The following SMIM8 variants were observed in gnomAD, a reference collection of about 807,000 sequenced individuals.
SMIM8 encodes the protein small integral membrane protein 8, also known as UPF0708 protein C6orf162.
SMIM8 carries 8 observed loss-of-function variants against 8.1 expected under a neutral mutation model. The observed-to-expected ratio is 0.99, with a 90% CI of 0.58 to 1.78. The LOEUF is 1.78. Ranked by LOEUF, SMIM8 falls within the 40% of genes most tolerant of loss-of-function variation. The pLI is 0.00. For synonymous variants in SMIM8, 45 were observed against 39.7 expected, an observed-to-expected ratio of 1.13 and a Z score of -0.50; for missense variants, 126 against 119.8, an observed-to-expected ratio of 1.05 and a Z score of -0.24.
In SMIM8 at chr6:87,341,799, T is replaced by G. The variant is rs1777242305; in HGVS notation, c.*1525T>G. Reference sequence around the variant, plus strand: ...GCCTGTCTGTATAATGTACTTCATATAGTTTAAAATGCACTTCAGTGATAC... The same window carrying G: ...GCCTGTCTGTATAATGTACTTCATAGAGTTTAAAATGCACTTCAGTGATAC... On this transcript the variant is annotated 3_prime_UTR_variant, in exon 4 of 4. Transcript: ENST00000392863. 3 of 152,408 alleles carry G rather than the reference T, an allele frequency of 2.0e-5. No homozygotes were observed. Among genetic ancestry groups the G allele is most frequent in the Admixed American group, 6.5e-5 (1 of 15,284 alleles). The allele number at this position is 152,408 out of a possible 1,614,324, so 9.4% of individuals were successfully genotyped here.
rs143360539 is a variant in SMIM8, at chr6:87,341,688, T to G, written c.*1414T>G. On this transcript the variant is annotated 3_prime_UTR_variant, in exon 4 of 4. Coordinates refer to ENST00000392863, the MANE Select transcript of SMIM8 (RefSeq NM_001042493.3). ...CATGAAAATGTAATTATGTGTGATT[T>G]GTAGGTATTAAAGAACTTAGCTAAT... 6.8e-3 allele frequency: 1,129 copies of G among 165,620 alleles called. 9 individuals are homozygous for G. The highest frequency in any genetic ancestry group is 8.8e-3 in the Non-Finnish European group (679 of 77,232). The allele number at this position is 165,620 out of a possible 1,614,324, so 10.3% of individuals were successfully genotyped here. A position where few individuals can be genotyped will look rare whatever the true frequency, so the allele number is the denominator to read the frequency against.
At chr6:87,330,580 AG>A (rs1365271579) in intron 1 of SMIM8, 111 bp from the exon 2 acceptor site, 3 of 152,094 alleles carry the variant, frequency 2.0e-5, no homozygotes, top group African/African-American at 2.4e-5. Context: ...TATTAATTTC[AG>A]GGGCTTACTA....
chr6:87,330,242 A>G (rs1194391950), intron 1 of SMIM8, among the ~76,000 whole-genome samples: 1 of 152,220 alleles, frequency 6.6e-6, no homozygotes, highest in African/African-American at 2.4e-5. Flanking sequence ...TGCCCATTTT[A>G]TAATTCTCTG....
intron 2 of SMIM8, among the ~76,000 whole-genome samples, chr6:87,332,122 A>G (rs1777007881): frequency 6.6e-6 from 1 of 152,074 alleles, no homozygotes; most frequent in South Asian, 2.1e-4. Flanking sequence ...GAGATCAAGC[A>G]ATCTTACAAA....
Position 87,340,246 on chromosome 6 carries a change from T to C in SMIM8, c.266T>C (p.Met89Thr). The C allele has an allele frequency of 6.2e-7, 1 of 1,605,968 alleles. No homozygotes were observed. The highest frequency in any genetic ancestry group is 1.1e-5 in the South Asian group (1 of 89,090). Residue 89 changes from methionine (M) to threonine (T), a missense_variant, in exon 4 of 4, where the codon ATG (methionine) becomes ACG (threonine). Coordinates refer to ENST00000392863, the MANE Select transcript of SMIM8 (RefSeq NM_001042493.3). The stretch of plus-strand genomic sequence containing the variant: ...ATTGATAGTGAGGGGCACAGTTATA[T>C]GAGGCGGAAAACATCCAAATGGGAT... Reference protein sequence around the residue: ...EAIDSEGHSYMRRKTSKWD With the variant: ...EAIDSEGHSYTRRKTSKWD
At chr6:87,332,693 T>C (rs1214703600) in intron 2 of SMIM8, among the ~76,000 whole-genome samples, 1 of 152,272 alleles carries the variant, frequency 6.6e-6, no homozygotes, top group Non-Finnish European at 1.5e-5. Context: ...CTCTGCAATA[T>C]GAACTTCTAT....
intron 2 of SMIM8, among the ~76,000 whole-genome samples, chr6:87,334,291 G>A (rs1253688048): frequency 6.6e-6 from 1 of 152,172 alleles, no homozygotes; most frequent in East Asian, 1.9e-4. Flanking sequence ...CGGGCTGCCC[G>A]AACAAACTTT....
intron 3 of SMIM8, among the ~76,000 whole-genome samples, chr6:87,337,992 A>C (rs1777149693): frequency 6.6e-6 from 1 of 152,218 alleles, no homozygotes; most frequent in Non-Finnish European, 1.5e-5. Context: ...TTAAAATAAA[A>C]TATGATAAAT....
At position 87,341,565 on chromosome 6, in the gene SMIM8, G is replaced by T. The variant is rs1582100238; in HGVS notation, c.*1291G>T. 5.8e-6 allele frequency: 2 copies of T among 346,042 alleles called. No homozygotes were observed. The highest frequency in any genetic ancestry group is 4.4e-5 in the East Asian group (1 of 22,628). The allele number at this position is 346,042 out of a possible 1,614,324, so 21.4% of individuals were successfully genotyped here. Reference sequence around the variant, plus strand: ...ATCTTACCTCTGAAGTCTTGCTTCAGTCGCTATTAATATTACCAAGTAATA... The same window carrying T: ...ATCTTACCTCTGAAGTCTTGCTTCATTCGCTATTAATATTACCAAGTAATA... On this transcript the variant is annotated 3_prime_UTR_variant, in exon 4 of 4. Coordinates refer to ENST00000392863, the MANE Select transcript of SMIM8 (RefSeq NM_001042493.3).
At chr6:87,328,786 C>T (rs576322323) in intron 1 of SMIM8, among the ~76,000 whole-genome samples, 1 of 152,188 alleles carries the variant, frequency 6.6e-6, no homozygotes, top group Non-Finnish European at 1.5e-5. Flanking sequence ...CCACCCAGTT[C>T]GAGCTTCCCA....
chr6:87,327,543 G>C (rs545077806), intron 1 of SMIM8, among the ~76,000 whole-genome samples: 10,136 of 148,916 alleles, frequency 0.068, 516 homozygotes, highest in African/African-American at 0.18. Flanking sequence ...TGAAATTCTG[G>C]GTTGAAAATT....
intron 1 of SMIM8, among the ~76,000 whole-genome samples, chr6:87,326,448 G>A (rs2127916656): frequency 6.6e-6 from 1 of 152,276 alleles, no homozygotes; most frequent in Admixed American, 6.5e-5. Flanking sequence ...ATGCATCCCA[G>A]AGATTCTGGT....
rs1028004285 is a variant in SMIM8 at position 87,337,169 on chromosome 6, A to G, written c.135+3A>G. 6.2e-7 allele frequency: 1 copy of G among 1,606,782 alleles called. No homozygotes were observed. The highest frequency in any genetic ancestry group is 8.5e-7 in the Non-Finnish European group (1 of 1,176,582). On this transcript the variant is annotated splice_donor_region_variant and intron_variant, in intron 3 of 3. Coordinates refer to ENST00000392863, the MANE Select transcript of SMIM8 (RefSeq NM_001042493.3). ...ATCCAGAGCTCTTCATTAAACCTGT[A>G]AGAAATACATCCAGGATAAGACTTT...
chr6:87,328,324 C>T (rs978939361), intron 1 of SMIM8, among the ~76,000 whole-genome samples: 13 of 152,266 alleles, frequency 8.5e-5, no homozygotes, highest in South Asian at 2.1e-4. Context: ...GGAGGAGAGG[C>T]ACTCTGCTTT....
intron 2 of SMIM8, among the ~76,000 whole-genome samples, chr6:87,332,343 A>ATATATATATAT (rs1491301788): frequency 6.9e-6 from 1 of 145,760 alleles, no homozygotes; most frequent in African/African-American, 2.5e-5. Flanking sequence ...ATATATATAT[A>ATATATATATAT]AATGACAGCA....
chr6:87,341,556 CT>C lies in SMIM8; in HGVS notation c.*1284del, dbSNP rs1480835233. On this transcript the variant is annotated 3_prime_UTR_variant, in exon 4 of 4. Transcript: ENST00000392863. ...CAGTAGTAAATCTTACCTCTGAAGT[CT>C]TGCTTCAGTCGCTATTAATATTACC... is the stretch of plus-strand genomic sequence containing the variant. The C allele has an allele frequency of 2.8e-6, 1 of 358,198 alleles. No homozygotes were observed. The highest frequency in any genetic ancestry group is 4.2e-5 in the East Asian group (1 of 23,964). The allele number at this position is 358,198 out of a possible 1,614,324, so 22.2% of individuals were successfully genotyped here. A position where few individuals can be genotyped will look rare whatever the true frequency, so the allele number is the denominator to read the frequency against.
chr6:87,324,536 C>A (rs1157544442), intron 1 of SMIM8, among the ~76,000 whole-genome samples: 2 of 150,782 alleles, frequency 1.3e-5, no homozygotes, highest in East Asian at 1.9e-4. Context: ...AATCCTTTCC[C>A]CATTGCTTGT....
chr6:87,334,435 T>C (rs1364396922), intron 2 of SMIM8, among the ~76,000 whole-genome samples: 2 of 103,162 alleles, frequency 1.9e-5, no homozygotes, highest in African/African-American at 3.4e-5. Context: ...CTTCAGTGGC[T>C]TGTTTGTTTG....
At chr6:87,336,407 C>A (rs537136313) in intron 2 of SMIM8, among the ~76,000 whole-genome samples, 1 of 152,278 alleles carries the variant, frequency 6.6e-6, no homozygotes, top group South Asian at 2.1e-4. Context: ...AAGGAGATAG[C>A]AGGGCATAAC....
Sources: allele counts gnomAD v4.1 joint callset (sites outside exome capture counted in the v4.1 genomes callset), GRCh38; gene constraint gnomAD v4.1.1; transcripts MANE v1.5; gene names NCBI Gene and HGNC (gene_info 2026-07-23, HGNC 2026-07-21).